The following CCDC191 variants were observed in gnomAD, a reference collection of about 807,000 sequenced individuals.
CCDC191 encodes the protein coiled-coil domain containing 191.
CCDC191 carries 99 observed loss-of-function variants against 114.0 expected under a neutral mutation model. The observed-to-expected ratio is 0.87, with a 90% CI of 0.74 to 1.03. The LOEUF (loss-of-function observed/expected upper bound fraction) is 1.03. Among genes scored for constraint, CCDC191 ranks in the 50% least tolerant of loss-of-function variants. The pLI is 0.00. For synonymous variants in CCDC191, 351 were observed against 376.0 expected (o/e 0.93, Z 0.77); for missense variants, 973 against 1,087.0 (o/e 0.90, Z 1.47).
At chr3:114,047,258 T>C in intron 2 of CCDC191, 1 of 349,084 alleles carries the variant, frequency 2.9e-6, no homozygotes. Context: ...ATGTTTTAAC[T>C]CAACAGCAAG....
At chr3:114,026,924 G>A (rs1234929911) in intron 7 of CCDC191, among the ~76,000 whole-genome samples, 6 of 152,216 alleles carry the variant, frequency 3.9e-5, no homozygotes, top group African/African-American at 1.4e-4. Flanking sequence ...GTTTTCACAG[G>A]CAGCAAAGAT....
rs190050843 is a variant in CCDC191, at chr3:114,041,762, C to T, written c.415+941G>A. ...GGGTATCTGAGTCATGTATGGGGAGCTGCCCCACTGTTACCATGACTATCC... is the reference window on the plus strand; with the variant it reads ...GGGTATCTGAGTCATGTATGGGGAGTTGCCCCACTGTTACCATGACTATCC... On this transcript the variant is annotated intron_variant, in intron 4 of 16. Coordinates refer to ENST00000295878, the MANE Select transcript of CCDC191 (RefSeq NM_020817.2). Among the ~76,000 whole-genome samples, 292 of 152,268 alleles carry T rather than the reference C, an allele frequency of 1.9e-3. 1 individual carries two copies. The highest frequency in any genetic ancestry group is 6.9e-3 in the African/African-American group (286 of 41,550).
intron 2 of CCDC191, among the ~76,000 whole-genome samples, chr3:114,050,319 A>G (rs1392607059): frequency 1.3e-5 from 2 of 152,256 alleles, no homozygotes; most frequent in Non-Finnish European, 2.9e-5. Flanking sequence ...GGATACAAAC[A>G]TGAGCTTCTT....
At chr3:114,036,132 T>C (rs1577459990) in intron 5 of CCDC191, among the ~76,000 whole-genome samples, 1 of 152,320 alleles carries the variant, frequency 6.6e-6, no homozygotes. Context: ...CTCACATGCT[T>C]TTCTAATTCA....
At chr3:114,011,224 CAG>C (rs2076064935) in intron 8 of CCDC191, among the ~76,000 whole-genome samples, 1 of 152,140 alleles carries the variant, frequency 6.6e-6, no homozygotes, top group Non-Finnish European at 1.5e-5. Context: ...AGCACTTCAA[CAG>C]ATTACCTTCA....
chr3:114,036,695 T>G lies in CCDC191; in HGVS notation c.507A>C (p.Ala169=). ...HLLHKNVVDS[A]MMEDLGRKEN... ...CCTTCCTTCCAAGATCTTCCATCAT[T>G]GCAGAATCTACCACATTTTTATGGA... The change falls in exon 5 of 17, where the codon GCA becomes GCC. Residue 169 remains alanine, a synonymous_variant. Transcript: ENST00000295878. The G allele has an allele frequency of 6.2e-7, 1 of 1,602,494 alleles. No homozygotes were observed. Among genetic ancestry groups the G allele is most frequent in the Non-Finnish European group, 8.5e-7 (1 of 1,173,458 alleles).
chr3:114,002,404 G>A, intron 12 of CCDC191, 52 bp downstream of exon 12: 1 of 1,315,324 alleles, frequency 7.6e-7, no homozygotes, highest in Non-Finnish European at 1.1e-6. Flanking sequence ...TTTTAAGAAA[G>A]ACCTGGACAA....
chr3:114,050,764 A>C (rs1430599096), intron 2 of CCDC191, among the ~76,000 whole-genome samples: 1 of 152,234 alleles, frequency 6.6e-6, no homozygotes, highest in East Asian at 1.9e-4. Context: ...TCTGGAATTT[A>C]TAGAGTTTCG....
intron 13 of CCDC191, among the ~76,000 whole-genome samples, chr3:113,982,431 T>C (rs980951955): frequency 6.6e-6 from 1 of 152,194 alleles, no homozygotes; most frequent in East Asian, 1.9e-4. Flanking sequence ...TAATAGCACC[T>C]GCATCCATGA....
intron 8 of CCDC191, among the ~76,000 whole-genome samples, chr3:114,012,661 T>C (rs2076090618): frequency 6.6e-6 from 1 of 152,222 alleles, no homozygotes; most frequent in Non-Finnish European, 1.5e-5. Flanking sequence ...TTCTACAGGA[T>C]AGAAGATGTA....
chr3:114,034,294 A>G (rs2076449267), intron 6 of CCDC191, among the ~76,000 whole-genome samples: 1 of 152,218 alleles, frequency 6.6e-6, no homozygotes, highest in Non-Finnish European at 1.5e-5. Context: ...AATCAATGTA[A>G]TACCTATTAA....
chr3:113,993,933 C>A (rs763596801), intron 13 of CCDC191, among the ~76,000 whole-genome samples: 8 of 151,730 alleles, frequency 5.3e-5, no homozygotes, highest in Non-Finnish European at 1.0e-4. Context: ...AGACCACAGA[C>A]CTAAATGTAA....
At chr3:113,977,263 C>T (rs944413804) in intron 16 of CCDC191, among the ~76,000 whole-genome samples, 4 of 151,992 alleles carry the variant, frequency 2.6e-5, no homozygotes, top group Admixed American at 6.6e-5. Flanking sequence ...CACTTCAGCC[C>T]GGGCAACAGA....
chr3:113,995,610 A>G (rs1191667883), intron 13 of CCDC191, among the ~76,000 whole-genome samples: 1 of 152,244 alleles, frequency 6.6e-6, no homozygotes, highest in Non-Finnish European at 1.5e-5. Flanking sequence ...TTATTTTAGT[A>G]GAATGATTTG....
chr3:113,965,372 A>G lies in CCDC191; in HGVS notation c.2607-13T>C. ...CCAGAGGATCCTCCTTTAAGAATAA[A>G]GAAGGAAAAAAGTGAAATGTTGAGA... On this transcript the variant is annotated splice_polypyrimidine_tract_variant and intron_variant, in intron 16 of 16. Transcript: ENST00000295878. The G allele has an allele frequency of 6.5e-7, 1 of 1,526,840 alleles. No homozygotes were observed. Among genetic ancestry groups the G allele is most frequent in the Non-Finnish European group, 8.8e-7 (1 of 1,133,770 alleles). The allele number at this position is 1,526,840 out of a possible 1,614,324, so 94.6% of individuals were successfully genotyped here.
chr3:114,031,870 TCTC>T, intron 6 of CCDC191, 91 bp from the exon 7 acceptor site: 1 of 640,142 alleles, frequency 1.6e-6, no homozygotes, highest in Non-Finnish European at 2.7e-6. Flanking sequence ...ATCACTGAAT[TCTC>T]CTTCGGAATA....
At chr3:113,997,311 T>C (rs2075747633) in intron 13 of CCDC191, among the ~76,000 whole-genome samples, 1 of 152,182 alleles carries the variant, frequency 6.6e-6, no homozygotes, top group South Asian at 2.1e-4. Flanking sequence ...GAGTTTCACA[T>C]ACATATATGT....
At chr3:114,040,755 T>C (rs1265347496) in intron 4 of CCDC191, among the ~76,000 whole-genome samples, 1 of 152,152 alleles carries the variant, frequency 6.6e-6, no homozygotes, top group Admixed American at 6.5e-5. Context: ...GACTGGAGTG[T>C]TTAATTAAAT....
chr3:113,965,584 A>T (rs942721010), intron 16 of CCDC191, among the ~76,000 whole-genome samples: 2 of 151,900 alleles, frequency 1.3e-5, no homozygotes, highest in Admixed American at 1.3e-4. Flanking sequence ...TTTTATTTTT[A>T]TTTTATTTTA....
Sources: gnomAD v4.1 joint callset for allele counts (sites outside exome capture counted in the v4.1 genomes callset) on GRCh38, gnomAD v4.1.1 for gene constraint, MANE v1.5 for transcripts, NCBI Gene and HGNC (gene_info 2026-07-23, HGNC 2026-07-21) for gene names.